THTPA: variants seen among roughly 807,000 people sequenced by gnomAD.
THTPA encodes thiamine triphosphatase.
Under a neutral mutation model 16.5 loss-of-function variants are expected in THTPA, and 16 were observed. The ratio of observed to expected loss-of-function variants is 0.97; its 90% confidence interval spans 0.66 to 1.47. The LOEUF is 1.47. THTPA is among the 40% of genes most tolerant of loss of function. The pLI is 0.00. For synonymous variants in THTPA, 110 were observed against 115.5 expected (o/e 0.95, Z 0.30); for missense variants, 281 against 280.9 (o/e 1.00, Z 0.00).
chr14:23,524,622 A>G, the THTPA span: 1 of 1,536,316 alleles, frequency 6.5e-7, no homozygotes, highest in East Asian at 2.4e-5. The surrounding 1 kb of genome is among the most constrained non-coding windows in gnomAD (Gnocchi z 5.6). Context: ...GAAATGGCAC[A>G]CTGGTCACAG....
the THTPA span, among the ~76,000 whole-genome samples, chr14:23,517,114 A>G: frequency 6.6e-6 from 1 of 152,144 alleles, no homozygotes; most frequent in East Asian, 1.9e-4. Flanking sequence ...AAGAAATACC[A>G]TACTTAGACT....
the THTPA span, chr14:23,529,249 T>C: frequency 2.5e-5 from 4 of 159,518 alleles, no homozygotes; most frequent in Admixed American, 6.2e-5. Flanking sequence ...GTGAATCATT[T>C]GGTTGGTGCC....
the THTPA span, chr14:23,527,049 A>G: frequency 7.0e-7 from 1 of 1,419,764 alleles, no homozygotes; most frequent in Non-Finnish European, 9.1e-7. Context: ...CATCTGCCCT[A>G]CACCTGTACT....
At chr14:23,530,066 C>T in the THTPA span, 1 of 1,450,008 alleles carries the variant, frequency 6.9e-7, no homozygotes, top group Non-Finnish European at 9.4e-7. Context: ...ACTGCAAGGT[C>T]CCGTGAGCGT....
the THTPA span, among the ~76,000 whole-genome samples, chr14:23,544,837 G>A: frequency 2.8e-4 from 43 of 152,100 alleles, no homozygotes; most frequent in African/African-American, 9.9e-4. Context: ...CCTCCGGCTC[G>A]CCATTTCTCC....
chr14:23,530,013 C>A, the THTPA span: 1 of 1,186,890 alleles, frequency 8.4e-7, no homozygotes, highest in South Asian at 1.3e-5. Flanking sequence ...TTTCTTTAAT[C>A]AGTTTTGCTC....
At chr14:23,522,092 G>T in the THTPA span, 1 of 1,535,968 alleles carries the variant, frequency 6.5e-7, no homozygotes, top group Non-Finnish European at 8.7e-7. Flanking sequence ...GGAGATGGGT[G>T]GGCCCCCTTG....
At chr14:23,535,045 T>C in the THTPA span, 1 of 1,536,158 alleles carries the variant, frequency 6.5e-7, no homozygotes, top group Non-Finnish European at 8.7e-7. The surrounding 1 kb of genome is among the most constrained non-coding windows in gnomAD (Gnocchi z 4.5). Context: ...CTCCTTGTCC[T>C]TTTCCACCCC....
the THTPA span, chr14:23,534,625 G>A: frequency 1.1e-5 from 17 of 1,536,040 alleles, no homozygotes; most frequent in Admixed American, 2.0e-5. This position sits in a 1 kb window ranked among gnomAD's most constrained non-coding sequence, Gnocchi z 4.5. Context: ...CCAGAAGACC[G>A]CCACGTGGTT....
the THTPA span, chr14:23,530,253 A>G: frequency 7.6e-7 from 1 of 1,308,898 alleles, no homozygotes; most frequent in Admixed American, 2.0e-5. Context: ...AAGGGAGGAC[A>G]TAGGACAGAG....
At chr14:23,517,404 T>C in the THTPA span, among the ~76,000 whole-genome samples, 1 of 152,186 alleles carries the variant, frequency 6.6e-6, no homozygotes, top group Non-Finnish European at 1.5e-5. Flanking sequence ...TATAATCCTG[T>C]AGACCCTGAG....
the THTPA span, chr14:23,527,090 C>T: frequency 9.5e-5 from 131 of 1,378,350 alleles, no homozygotes; most frequent in Non-Finnish European, 1.1e-4. Flanking sequence ...CAGATCCAGC[C>T]TCCTGTCTGA....
chr14:23,523,546 G>C, the THTPA span: 1 of 1,536,714 alleles, frequency 6.5e-7, no homozygotes, highest in African/African-American at 1.4e-5. This position sits in a 1 kb window ranked among gnomAD's most constrained non-coding sequence, Gnocchi z 4.1. Flanking sequence ...TGCCCCCAGT[G>C]CTCCCAGCGG....
the THTPA span, chr14:23,523,933 T>C: frequency 2.0e-6 from 3 of 1,535,820 alleles, no homozygotes; most frequent in Non-Finnish European, 2.6e-6. This position sits in a 1 kb window ranked among gnomAD's most constrained non-coding sequence, Gnocchi z 4.1. Flanking sequence ...CCTCACTGGG[T>C]GGAGGGGGAG....
chr14:23,544,984 C>T, the THTPA span, among the ~76,000 whole-genome samples: 5 of 152,030 alleles, frequency 3.3e-5, no homozygotes, highest in African/African-American at 4.8e-5. Flanking sequence ...TCTCCCTTCC[C>T]GCTTCTCTCT....
the THTPA span, chr14:23,531,210 A>G: frequency 2.9e-6 from 1 of 342,968 alleles, no homozygotes; most frequent in Admixed American, 4.9e-5. Flanking sequence ...ACTACTCAGA[A>G]TCACTGGGTG....
chr14:23,539,593 G>A, the THTPA span, among the ~76,000 whole-genome samples: 1 of 152,178 alleles, frequency 6.6e-6, no homozygotes, highest in Non-Finnish European at 1.5e-5. Context: ...CCAAAAAATT[G>A]AAGTCTGAGA....
At chr14:23,528,896 A>G in the THTPA span, 1 of 932,364 alleles carries the variant, frequency 1.1e-6, no homozygotes. Context: ...CCTGTGTGTC[A>G]GGGAGGGGAT....
Position 23,559,863 on chromosome 14 carries a change from G to T in THTPA, c.*1023G>T. 1 of 1,613,976 alleles carries T rather than the reference G, an allele frequency of 6.2e-7. No individual in the cohort carries two copies. The highest frequency in any genetic ancestry group is 8.5e-7 in the Non-Finnish European group (1 of 1,179,970). ...GCCGCAGGGGGGCCTAGGAATAGGA[G>T]AGCAGGGACCAGGGTTAGCACCCAC... On this transcript the variant is annotated 3_prime_UTR_variant, in exon 2 of 2. Coordinates refer to ENST00000288014, the MANE Select transcript of THTPA (RefSeq NM_024328.6).
Sources: gnomAD v4.1 joint callset for allele counts (sites outside exome capture counted in the v4.1 genomes callset) on GRCh38, gnomAD v4.1.1 for gene constraint, Gnocchi (gnomAD v3.1) non-coding constraint, MANE v1.5 for transcripts, NCBI Gene and HGNC (gene_info 2026-07-23, HGNC 2026-07-21) for gene names.